The following ADGRB1 variants were observed in gnomAD, a reference collection of about 807,000 sequenced individuals.
The protein encoded by ADGRB1 is adhesion G protein-coupled receptor B1.
Under a neutral mutation model 175.7 loss-of-function variants are expected in ADGRB1, and 36 were observed. That is an observed-to-expected ratio of 0.20 (90% CI 0.16 to 0.27). The LOEUF (loss-of-function observed/expected upper bound fraction) is 0.27. Ranked by LOEUF, ADGRB1 falls within the 10% of genes least tolerant of loss-of-function variation. The pLI is 1.00. For synonymous variants in ADGRB1, 1,054 were observed against 979.4 expected (o/e 1.08, Z -1.42); for missense variants, 1,731 against 2,255.3 (o/e 0.77, Z 4.71).
At chr8:142,525,648 G>A (rs974393074) in intron 23 of ADGRB1, among the ~76,000 whole-genome samples, 8 of 152,202 alleles carry the variant, frequency 5.3e-5, no homozygotes, top group Non-Finnish European at 8.8e-5. Context: ...GGCCGGCTGT[G>A]TGGTCATGAG....
intron 17 of ADGRB1, among the ~76,000 whole-genome samples, chr8:142,499,801 C>T (rs1842403005): frequency 6.6e-6 from 1 of 152,184 alleles, no homozygotes. Flanking sequence ...AAGGAGAGGG[C>T]CGCCACTTCC....
Position 142,464,598 on chromosome 8 carries a change from G to A in ADGRB1, c.400G>A (p.Ala134Thr). The A allele has an allele frequency of 1.3e-6, 2 of 1,527,592 alleles. No homozygotes were observed. The highest frequency in any genetic ancestry group is 1.2e-5 in the South Asian group (1 of 82,810). 94.6% of individuals were successfully genotyped at this position (1,527,592 alleles called of 1,614,324 possible). ...GCTCTGCGACCCCTCCGCACCCCTG[G>A]CCTTCCTGCAGGCCAGCAAGCAGTT... ...LRLCDPSAPLAFLQASKQFLQ... is the reference protein window; with the variant it reads ...LRLCDPSAPLTFLQASKQFLQ... Residue 134 changes from alanine (A) to threonine (T), a missense_variant, in exon 2 of 31, where the codon GCC becomes ACC. Physicochemically the swap from Ala to Thr is moderately conservative, Grantham distance 58. Coordinates refer to ENST00000517894, the MANE Select transcript of ADGRB1 (RefSeq NM_001702.3).
intron 9 of ADGRB1, 99 bp from the exon 10 acceptor site, chr8:142,481,155 C>A: frequency 9.0e-7 from 1 of 1,109,116 alleles, no homozygotes; most frequent in East Asian, 2.4e-5. Context: ...TTTCTGGGGG[C>A]CACAGGGTCC....
At chr8:142,533,716 G>C (rs1346448340) in intron 25 of ADGRB1, among the ~76,000 whole-genome samples, 1 of 152,178 alleles carries the variant, frequency 6.6e-6, no homozygotes, top group African/African-American at 2.4e-5. Context: ...GCACTGGCTT[G>C]GGGGCGTGGG....
chr8:142,534,093 C>G (rs1211643469), intron 25 of ADGRB1, among the ~76,000 whole-genome samples: 1 of 152,274 alleles, frequency 6.6e-6, no homozygotes, highest in Middle Eastern at 3.4e-3. Context: ...CACAGGTTCC[C>G]GAGGATGAAG....
intron 24 of ADGRB1, 117 bp downstream of exon 24, chr8:142,526,744 C>G (rs1489049528): frequency 1.9e-6 from 2 of 1,073,436 alleles, no homozygotes; most frequent in Non-Finnish European, 2.8e-6. Flanking sequence ...TCCAGGGACC[C>G]CGGAGCGGGT....
intron 22 of ADGRB1, 58 bp from the exon 23 acceptor site, chr8:142,524,180 C>T: frequency 6.5e-7 from 1 of 1,542,540 alleles, no homozygotes; most frequent in Non-Finnish European, 8.8e-7. Flanking sequence ...AGGCCGGCAG[C>T]ACCTCTCTGC....
chr8:142,463,796 G>A (rs1246342662), intron 1 of ADGRB1, among the ~76,000 whole-genome samples, 184 bp from the exon 2 acceptor site: 1 of 152,232 alleles, frequency 6.6e-6, no homozygotes, highest in Non-Finnish European at 1.5e-5. Context: ...ATTGGTGAGT[G>A]GCAGACAGAC....
intron 18 of ADGRB1, among the ~76,000 whole-genome samples, chr8:142,516,480 TGCGC>T (rs1239818156): frequency 8.9e-6 from 1 of 111,786 alleles, no homozygotes; most frequent in Non-Finnish European, 1.8e-5. Flanking sequence ...TGTGTGTGTG[TGCGC>T]GCGCGTGTGT....
rs115720418 is a variant in ADGRB1, at chr8:142,528,774, A to G, written c.3398+2147A>G. ...ACCGTCCACTCTGGGTTTCTAGGCC[A>G]CTCCCGTCCCCCCGATCCACTGCCC... On this transcript the variant is annotated intron_variant, in intron 24 of 30. Coordinates refer to ENST00000517894, the MANE Select transcript of ADGRB1 (RefSeq NM_001702.3). 2.0e-3 allele frequency among the ~76,000 whole-genome samples: 304 copies of G among 151,596 alleles called. 3 individuals are homozygous for G. Among genetic ancestry groups the G allele is most frequent in the African/African-American group, 6.7e-3 (277 of 41,238 alleles).
intron 12 of ADGRB1, among the ~76,000 whole-genome samples, chr8:142,484,246 A>G (rs10875483): frequency 0.85 from 128,925 of 152,260 alleles, 55,018 homozygotes; most frequent in African/African-American, 0.96. Flanking sequence ...AAGGACAGTC[A>G]TTTATTTCCT....
intron 17 of ADGRB1, among the ~76,000 whole-genome samples, chr8:142,501,978 GGGTGGT>G (rs36232460): frequency 8.0e-6 from 1 of 125,636 alleles, no homozygotes; most frequent in Non-Finnish European, 1.6e-5. Context: ...GATGGAGGTA[GGGTGGT>G]GGTGGTGATG....
intron 17 of ADGRB1, among the ~76,000 whole-genome samples, chr8:142,501,663 G>A (rs867997743): frequency 5.7e-5 from 8 of 139,844 alleles, no homozygotes; most frequent in South Asian, 2.5e-4. Flanking sequence ...TGGGGTGGTG[G>A]TAGTGATGTT....
Position 142,469,525 on chromosome 8 carries a change from A to ATG in ADGRB1, c.784+4548_784+4549dup, listed in dbSNP as rs1229227625. ...TGTGAATGTGTGTGTATGCACGTGC[A>ATG]TGTGTGAATGTGAGTGTATGCACGT... On this transcript the variant is annotated intron_variant, in intron 2 of 30. Coordinates refer to ENST00000517894, the MANE Select transcript of ADGRB1 (RefSeq NM_001702.3). 2.0e-3 allele frequency among the ~76,000 whole-genome samples: 248 copies of ATG among 122,954 alleles called. 2 individuals are homozygous for ATG. Among genetic ancestry groups the ATG allele is most frequent in the African/African-American group, 7.2e-3 (232 of 32,388 alleles). The allele number at this position is 122,954 out of a possible 152,430, so 80.7% of individuals were successfully genotyped here. A position where few individuals can be genotyped will look rare whatever the true frequency, so the allele number is the denominator to read the frequency against.
In ADGRB1 at chr8:142,481,556, G is replaced by A; in HGVS notation, c.1975G>A (p.Gly659Arg). ...HLAKAQRGLP[G>R]EGVSEVIQTL... The stretch of plus-strand genomic sequence containing the variant: ...GGCCAAGGCTCAGCGAGGGCTGCCT[G>A]GGGAGGGGGTCTCGGAGGTCATCCA... The change falls in exon 11 of 31, where the codon GGG (glycine) becomes AGG (arginine). Residue 659 changes from glycine (G) to arginine (R), a missense_variant. Transcript: ENST00000517894. 6.3e-7 allele frequency: 1 copy of A among 1,596,672 alleles called. No individual in the cohort carries two copies. The highest frequency in any genetic ancestry group is 8.5e-7 in the Non-Finnish European group (1 of 1,171,626).
intron 1 of ADGRB1, among the ~76,000 whole-genome samples, chr8:142,454,100 G>A (rs1318905345): frequency 2.0e-5 from 3 of 152,172 alleles, no homozygotes; most frequent in East Asian, 3.9e-4. Context: ...GGCTTGGCCT[G>A]ATGGGGATGC....
chr8:142,515,089 G>C (rs1178643597), intron 18 of ADGRB1, among the ~76,000 whole-genome samples: 1 of 152,154 alleles, frequency 6.6e-6, no homozygotes, highest in Non-Finnish European at 1.5e-5. Flanking sequence ...GAAGCCATTG[G>C]TGGGAGGGGG....
At chr8:142,452,802 G>A (rs1342952138) in intron 1 of ADGRB1, among the ~76,000 whole-genome samples, 1 of 151,788 alleles carries the variant, frequency 6.6e-6, no homozygotes, top group Non-Finnish European at 1.5e-5. Context: ...GGAGTGGGTC[G>A]TGGGGCGCGG....
chr8:142,469,115 CTGCTCAGAGCTG>C (rs772202405), intron 2 of ADGRB1, among the ~76,000 whole-genome samples: 1 of 152,192 alleles, frequency 6.6e-6, no homozygotes, highest in East Asian at 1.9e-4. Context: ...GCAGTGAGCT[CTGCTCAGAGCTG>C]TGCGTGTGTG....
Sources: allele counts gnomAD v4.1 joint callset (sites outside exome capture counted in the v4.1 genomes callset), GRCh38; gene constraint gnomAD v4.1.1; transcripts MANE v1.5; gene names NCBI Gene and HGNC (gene_info 2026-07-23, HGNC 2026-07-21).